SPOP: variants seen among roughly 807,000 people sequenced by gnomAD.
The protein encoded by SPOP is speckle type BTB/POZ protein.
SPOP carries 11 observed loss-of-function variants against 45.6 expected under a neutral mutation model. The observed-to-expected ratio is 0.24, with a 90% CI of 0.15 to 0.40. The LOEUF is 0.40. Among genes scored for constraint, SPOP ranks in the 10% least tolerant of loss-of-function variants. SPOP has a pLI of 1.00. For missense variants in SPOP, 152 were observed against 465.6 expected (o/e 0.33, Z 6.20); for synonymous variants, 166 against 166.3 (o/e 1.00, Z 0.01).
chr17:49,667,361 G>A (rs1283029816), intron 1 of SPOP, among the ~76,000 whole-genome samples: 1 of 150,982 alleles, frequency 6.6e-6, no homozygotes, highest in Admixed American at 6.6e-5. Flanking sequence ...AGGCCAAGGC[G>A]GGCGGATCAC....
intron 6 of SPOP, among the ~76,000 whole-genome samples, chr17:49,609,547 A>G (rs2071923562): frequency 6.6e-6 from 1 of 152,134 alleles, no homozygotes. Flanking sequence ...GTATAAAGGG[A>G]TTGGTGAGGA....
At chr17:49,631,009 T>C (rs2072440933) in intron 1 of SPOP, among the ~76,000 whole-genome samples, 1 of 152,228 alleles carries the variant, frequency 6.6e-6, no homozygotes, top group African/African-American at 2.4e-5. Flanking sequence ...TTGATAACAC[T>C]TACCCAGGGT....
In SPOP at chr17:49,599,478, CTTCTT is replaced by C. The variant is rs752361093; in HGVS notation, c.*895_*899del. The C allele has an allele frequency of 1.8e-5, 4 of 217,092 alleles. 1 individual carries two copies. The highest frequency in any genetic ancestry group is 3.7e-5 in the Non-Finnish European group (4 of 109,370). The allele number at this position is 217,092 out of a possible 1,614,324, so 13.4% of individuals were successfully genotyped here. A position where few individuals can be genotyped will look rare whatever the true frequency, so the allele number is the denominator to read the frequency against. ...TTTAATTGATAAAATTTCCTTCTCT[CTTCTT>C]TTGTTCTGTTTTTGTTTTGTGTGTT... On this transcript the variant is annotated 3_prime_UTR_variant, in exon 10 of 10. Coordinates refer to ENST00000504102, the MANE Select transcript of SPOP (RefSeq NM_001007228.2).
intron 1 of SPOP, among the ~76,000 whole-genome samples, chr17:49,654,551 G>A (rs1035096009): frequency 1.3e-5 from 2 of 151,860 alleles, no homozygotes; most frequent in East Asian, 1.9e-4. Flanking sequence ...TTGTGAGGCC[G>A]AGGCCAGCGG....
At chr17:49,658,133 TAA>T (rs369605269) in intron 1 of SPOP, among the ~76,000 whole-genome samples, 13 of 152,284 alleles carry the variant, frequency 8.5e-5, no homozygotes, top group African/African-American at 2.9e-4. Context: ...TTTACTGGCA[TAA>T]AAGAGGTCTA....
intron 1 of SPOP, among the ~76,000 whole-genome samples, chr17:49,672,169 G>A (rs948909051): frequency 5.9e-5 from 9 of 152,042 alleles, no homozygotes; most frequent in Non-Finnish European, 1.0e-4. Flanking sequence ...ATTCCTAACC[G>A]ATGAGGAAAA....
At chr17:49,676,470 A>G (rs898472063) in intron 1 of SPOP, among the ~76,000 whole-genome samples, 9 of 152,238 alleles carry the variant, frequency 5.9e-5, no homozygotes, top group Admixed American at 1.3e-4. Context: ...TTAAGGCCCA[A>G]GAACATGCGG....
rs995078369 is a variant in SPOP, at chr17:49,668,981, T to A, written c.-67+8952A>T. On this transcript the variant is annotated intron_variant, in intron 1 of 9. Transcript: ENST00000504102. ...TTAGTAGAGACGGGGTTTCACCGCG[T>A]TAGCCAGGGTGGTATCGATCTCCTG... Among the ~76,000 whole-genome samples the A allele has an allele frequency of 3.3e-5, 5 of 151,584 alleles. No homozygotes were observed. In the East Asian group the frequency reaches 9.7e-4, roughly 29 times the overall value.
intron 2 of SPOP, chr17:49,622,274 G>A (rs1327224291): frequency 1.5e-6 from 1 of 662,068 alleles, no homozygotes; most frequent in Non-Finnish European, 2.7e-6. Context: ...TTTTTCAGCT[G>A]CTGAGAACAC....
intron 1 of SPOP, among the ~76,000 whole-genome samples, chr17:49,671,842 T>C (rs1424439463): frequency 6.6e-6 from 1 of 151,994 alleles, no homozygotes; most frequent in African/African-American, 2.4e-5. Flanking sequence ...CCCATTTCTA[T>C]TCAAAACACA....
intron 1 of SPOP, among the ~76,000 whole-genome samples, chr17:49,647,891 G>C (rs1372371450): frequency 5.3e-5 from 8 of 152,088 alleles, no homozygotes; most frequent in Non-Finnish European, 1.0e-4. Flanking sequence ...AATTTTTCTA[G>C]TCTAAGTTTT....
At chr17:49,626,907 A>AATG (rs1283713358) in intron 1 of SPOP, among the ~76,000 whole-genome samples, 1 of 151,820 alleles carries the variant, frequency 6.6e-6, no homozygotes, top group Non-Finnish European at 1.5e-5. Flanking sequence ...GCTGGAGTGC[A>AATG]GTGGCGATCT....
intron 1 of SPOP, among the ~76,000 whole-genome samples, chr17:49,630,120 A>G (rs2072422438): frequency 6.6e-6 from 1 of 152,212 alleles, no homozygotes; most frequent in African/African-American, 2.4e-5. Context: ...CAGTGTCATA[A>G]CTATTTTCAA....
Position 49,600,823 on chromosome 17 carries a change from T to C in SPOP, c.981-301A>G. ...TCCTTATATTCACCGGTGATGCTAG[T>C]CATAAAAAGGAGCATGGGCTCCCTC... On this transcript the variant is annotated intron_variant, in intron 9 of 9. Coordinates refer to ENST00000504102, the MANE Select transcript of SPOP (RefSeq NM_001007228.2). The surrounding 1 kb of genome is among the most constrained non-coding windows in gnomAD (Gnocchi z 4.2). 1 of 289,522 alleles carries C rather than the reference T, an allele frequency of 3.5e-6. No individual in the cohort carries two copies. The highest frequency in any genetic ancestry group is 5.3e-5 in the South Asian group (1 of 18,818). 17.9% of individuals were successfully genotyped at this position (289,522 alleles called of 1,614,324 possible). A position where few individuals can be genotyped will look rare whatever the true frequency, so the allele number is the denominator to read the frequency against.
chr17:49,625,703 C>A (rs2072315332), intron 1 of SPOP, among the ~76,000 whole-genome samples: 1 of 152,078 alleles, frequency 6.6e-6, no homozygotes, highest in Non-Finnish European at 1.5e-5. Flanking sequence ...ATGACATGTA[C>A]AGTACATTAT....
intron 1 of SPOP, among the ~76,000 whole-genome samples, chr17:49,663,831 C>T (rs1015015857): frequency 2.6e-5 from 4 of 152,242 alleles, no homozygotes; most frequent in Middle Eastern, 3.4e-3. Flanking sequence ...GTATTTGTTG[C>T]CAATGATAAA....
rs189175468 is a variant in SPOP at position 49,671,295 on chromosome 17, G to A, written c.-67+6638C>T. Among the ~76,000 whole-genome samples the A allele has an allele frequency of 2.3e-3, 342 of 151,462 alleles. 2 individuals are homozygous for A. The highest frequency in any genetic ancestry group is 3.5e-3 in the Admixed American group (54 of 15,250). On this transcript the variant is annotated intron_variant, in intron 1 of 9. Transcript: ENST00000504102. ...ATGGTAGACAAATAACCTGTTAGAG[G>A]TTGGTGCAAAAGTAATTGAGGTTTT...
intron 1 of SPOP, among the ~76,000 whole-genome samples, chr17:49,658,590 C>T (rs970012806): frequency 3.3e-5 from 5 of 152,170 alleles, no homozygotes; most frequent in Non-Finnish European, 7.3e-5. Context: ...AAATAATTTA[C>T]CCATAGCTTT....
intron 1 of SPOP, among the ~76,000 whole-genome samples, chr17:49,675,602 A>AT (rs1315064451): frequency 3.3e-5 from 5 of 152,232 alleles, no homozygotes; most frequent in Admixed American, 3.3e-4. Flanking sequence ...TTAAACAATG[A>AT]TTTTTTAAAA....
Sources: gnomAD v4.1 joint callset for allele counts (sites outside exome capture counted in the v4.1 genomes callset) on GRCh38, gnomAD v4.1.1 for gene constraint, Gnocchi (gnomAD v3.1) non-coding constraint, MANE v1.5 for transcripts, NCBI Gene and HGNC (gene_info 2026-07-23, HGNC 2026-07-21) for gene names.